SNX30: variants seen among roughly 807,000 people sequenced by gnomAD.
SNX30 encodes sorting nexin family member 30, also known as sorting nexin-30.
A neutral mutation model predicts 46.4 loss-of-function variants in SNX30; 24 were observed. The observed-to-expected ratio is 0.52, with a 90% CI of 0.37 to 0.73. SNX30 has a LOEUF of 0.73. Ranked by LOEUF, SNX30 falls within the 30% of genes least tolerant of loss-of-function variation. SNX30 has a pLI of 0.00. For missense variants in SNX30, 533 were observed against 555.7 expected, an observed-to-expected ratio of 0.96 and a Z score of 0.41; for synonymous variants, 189 against 211.5, an observed-to-expected ratio of 0.89 and a Z score of 0.92.
downstream of SNX30, chr9:112,878,125 G>T (rs1281258360): frequency 6.6e-6 from 1 of 152,208 alleles, no homozygotes; most frequent in Non-Finnish European, 1.5e-5. Flanking sequence ...CCTCAGTGTT[G>T]CCAGGGAGCT....
chr9:112,836,063 C>T (rs2131455132), intron 4 of SNX30, 151 bp from the exon 5 acceptor site: 1 of 694,458 alleles, frequency 1.4e-6, no homozygotes, highest in Non-Finnish European at 2.4e-6. Context: ...AGGCCAGGTT[C>T]CTCCTGTGAA....
At chr9:112,751,464 C>T (rs1025313786) in intron 1 of SNX30, among the ~76,000 whole-genome samples, 1 of 152,190 alleles carries the variant, frequency 6.6e-6, no homozygotes, top group Non-Finnish European at 1.5e-5. Context: ...CCTGTGTCCT[C>T]GGATGGGGTT....
chr9:112,806,506 G>A (rs1466531629), intron 2 of SNX30, among the ~76,000 whole-genome samples: 1 of 151,816 alleles, frequency 6.6e-6, no homozygotes, highest in Non-Finnish European at 1.5e-5. Context: ...GTCTTTTACT[G>A]TGTCTTTTTT....
At chr9:112,783,227 T>TA (rs1430064313) in intron 1 of SNX30, among the ~76,000 whole-genome samples, 2 of 152,378 alleles carry the variant, frequency 1.3e-5, no homozygotes, top group African/African-American at 4.8e-5. Context: ...GGTGAAGGGC[T>TA]ACTAGCCTCT....
chr9:112,845,771 A>G (rs1052430563), intron 6 of SNX30, among the ~76,000 whole-genome samples: 3 of 152,200 alleles, frequency 2.0e-5, no homozygotes, highest in African/African-American at 4.8e-5. Context: ...CGAGTCTCCT[A>G]TGGAGAATGT....
chr9:112,783,346 A>G (rs578088943), intron 1 of SNX30, among the ~76,000 whole-genome samples: 2 of 152,346 alleles, frequency 1.3e-5, no homozygotes, highest in South Asian at 2.1e-4. Context: ...AAACAGGGAT[A>G]ATAAAATTCC....
At chr9:112,846,589 G>A (rs750183122) in intron 6 of SNX30, among the ~76,000 whole-genome samples, 6 of 152,156 alleles carry the variant, frequency 3.9e-5, no homozygotes, top group Admixed American at 1.3e-4. Context: ...GGCTACGTGC[G>A]TATTTTATTT....
At chr9:112,769,662 G>A (rs1253051010) in intron 1 of SNX30, among the ~76,000 whole-genome samples, 2 of 152,064 alleles carry the variant, frequency 1.3e-5, no homozygotes, top group East Asian at 1.9e-4. Context: ...CTAAATGTTG[G>A]ACTGCTGTAG....
intron 4 of SNX30, among the ~76,000 whole-genome samples, chr9:112,832,451 AGAGAGAGAGTGTGTGTGTGTGTGT>A (rs1840675635): frequency 1.5e-5 from 2 of 129,904 alleles, no homozygotes; most frequent in African/African-American, 2.9e-5. Context: ...AGAGAGAGAG[AGAGAGAGAGTGTGTGTGTGTGTGT>A]GTGTGTGTGT....
intron 1 of SNX30, among the ~76,000 whole-genome samples, chr9:112,797,080 G>A (rs775186402): frequency 6.6e-6 from 1 of 152,122 alleles, no homozygotes; most frequent in African/African-American, 2.4e-5. Flanking sequence ...ATTCCAAAGC[G>A]ATATTCAGAG....
chr9:112,879,695 G>T, downstream of SNX30: 1 of 1,471,562 alleles, frequency 6.8e-7, no homozygotes, highest in Non-Finnish European at 9.5e-7. Context: ...CAGTTCCCTG[G>T]TCCCTTCTTT....
intron 7 of SNX30, among the ~76,000 whole-genome samples, chr9:112,862,369 A>T (rs564377358): frequency 6.6e-6 from 1 of 152,128 alleles, no homozygotes; most frequent in Admixed American, 6.5e-5. Context: ...CCCCAATGCA[A>T]GTGTGAGCAG....
At chr9:112,823,061 A>G (rs1217801332) in intron 3 of SNX30, among the ~76,000 whole-genome samples, 1 of 152,218 alleles carries the variant, frequency 6.6e-6, no homozygotes, top group Non-Finnish European at 1.5e-5. Flanking sequence ...TACTATAGGT[A>G]TGTATAGGAA....
In SNX30 at chr9:112,872,431, T is replaced by C. The variant is rs1841461353; in HGVS notation, c.*3588T>C. 1 of 152,382 alleles carries C rather than the reference T, an allele frequency of 6.6e-6. No individual in the cohort carries two copies. The highest frequency in any genetic ancestry group is 2.1e-4 in the South Asian group (1 of 4,830). 9.4% of individuals were successfully genotyped at this position (152,382 alleles called of 1,614,324 possible). A position where few individuals can be genotyped will look rare whatever the true frequency, so the allele number is the denominator to read the frequency against. On this transcript the variant is annotated 3_prime_UTR_variant, in exon 9 of 9. Coordinates refer to ENST00000374232, the MANE Select transcript of SNX30 (RefSeq NM_001012994.2). ...ATTGGACTGCGGGACAGTCATTCTT[T>C]ACGTTCTCTCTTGAGCTGGTGAGAG...
chr9:112,834,215 G>C (rs1418652063), intron 4 of SNX30, among the ~76,000 whole-genome samples: 1 of 152,126 alleles, frequency 6.6e-6, no homozygotes, highest in African/African-American at 2.4e-5. Context: ...TTGCCAGCTG[G>C]ATGTCCACCA....
intron 7 of SNX30, among the ~76,000 whole-genome samples, chr9:112,858,397 T>G (rs1343955253): frequency 6.6e-6 from 1 of 152,020 alleles, no homozygotes; most frequent in Non-Finnish European, 1.5e-5. Context: ...CATCTGTAGT[T>G]ACAGCTACTC....
intron 7 of SNX30, among the ~76,000 whole-genome samples, chr9:112,863,447 C>G (rs779681818): frequency 6.6e-6 from 1 of 152,228 alleles, no homozygotes; most frequent in Admixed American, 6.5e-5. Context: ...CAAACTCCAG[C>G]TGCACAGGAT....
rs386415935 is a variant in SNX30, at chr9:112,822,541, G to GTTT, written c.459+4736_459+4738dup. Reference sequence around the variant, plus strand: ...TTTTGTCCCTTTGCTGTTTTGTTTTGTTTTTTTTTTTTGTAAGAACCTGTA... The same window carrying GTTT: ...TTTTGTCCCTTTGCTGTTTTGTTTTGTTTTTTTTTTTTTTTGTAAGAACCTGTA... On this transcript the variant is annotated intron_variant, in intron 3 of 8. Coordinates refer to ENST00000374232, the MANE Select transcript of SNX30 (RefSeq NM_001012994.2). Among the ~76,000 whole-genome samples the GTTT allele has an allele frequency of 3.9e-3, 513 of 131,794 alleles. 17 individuals carry two copies. The highest frequency in any genetic ancestry group is 0.027 in the East Asian group (129 of 4,696). 86.5% of individuals were successfully genotyped at this position (131,794 alleles called of 152,430 possible).
At position 112,874,769 on chromosome 9, in the gene SNX30, C is replaced by CA. The variant is rs1564301490; in HGVS notation, c.*5926_*5927insA. 4.1e-5 allele frequency: 2 copies of CA among 48,458 alleles called. No homozygotes were observed. Among genetic ancestry groups the CA allele is most frequent in the Non-Finnish European group, 1.5e-4 (2 of 13,118 alleles). 3.0% of individuals were successfully genotyped at this position (48,458 alleles called of 1,614,324 possible). A position where few individuals can be genotyped will look rare whatever the true frequency, so the allele number is the denominator to read the frequency against. On this transcript the variant is annotated 3_prime_UTR_variant, in exon 9 of 9. Transcript: ENST00000374232. ...AGAGATTGTAAAATGGAAAAAGAAT[C>CA]GTTTTTTTGTTGACTTTTTGATGCT... is the stretch of plus-strand genomic sequence containing the variant.
Sources: allele counts gnomAD v4.1 joint callset (sites outside exome capture counted in the v4.1 genomes callset), GRCh38; gene constraint gnomAD v4.1.1; transcripts MANE v1.5; gene names NCBI Gene and HGNC (gene_info 2026-07-23, HGNC 2026-07-21).